Variants in DDC observed in about 807,000 individuals in gnomAD.
The protein encoded by DDC is aromatic-L-amino-acid decarboxylase.
In DDC, 43 loss-of-function variants were observed where a neutral mutation model predicts 60.0. That is an observed-to-expected ratio of 0.72 (90% CI 0.56 to 0.92). The LOEUF (loss-of-function observed/expected upper bound fraction) is 0.92. DDC is among the 40% of genes least tolerant of loss of function. The probability of loss-of-function intolerance (pLI) is 0.00; values close to 1 mark genes in which losing one functional copy is unlikely to be tolerated. For synonymous variants in DDC, 232 were observed against 234.6 expected, an observed-to-expected ratio of 0.99 and a Z score of 0.10; for missense variants, 573 against 620.2, an observed-to-expected ratio of 0.92 and a Z score of 0.81.
chr7:50,552,335 G>T (rs1227143995), intron 1 of DDC, among the ~76,000 whole-genome samples: 1 of 152,142 alleles, frequency 6.6e-6, no homozygotes, highest in Non-Finnish European at 1.5e-5. Flanking sequence ...GACATAAACT[G>T]CCCAGTGTTC....
At chr7:50,554,066 G>T (rs1190430104) in intron 1 of DDC, among the ~76,000 whole-genome samples, 3 of 152,172 alleles carry the variant, frequency 2.0e-5, no homozygotes, top group Non-Finnish European at 2.9e-5. Flanking sequence ...CCGCTCACAA[G>T]TGGCCTCCAG....
intron 8 of DDC, among the ~76,000 whole-genome samples, chr7:50,498,033 G>A (rs750062526): frequency 2.6e-5 from 4 of 152,150 alleles, no homozygotes; most frequent in East Asian, 3.8e-4. Context: ...TTTCTAAGAC[G>A]TAGTAGAAAA....
At chr7:50,537,112 G>A (rs2044442266) in intron 4 of DDC, among the ~76,000 whole-genome samples, 2 of 146,826 alleles carry the variant, frequency 1.4e-5, no homozygotes, top group African/African-American at 5.0e-5. Flanking sequence ...CAGTGGAATA[G>A]AAATTCCATC....
intron 13 of DDC, among the ~76,000 whole-genome samples, chr7:50,463,698 T>A (rs1173211663): frequency 1.3e-5 from 2 of 152,240 alleles, no homozygotes; most frequent in East Asian, 3.8e-4. Flanking sequence ...TAAGTTTTTT[T>A]AAGGAAAATA....
intron 9 of DDC, among the ~76,000 whole-genome samples, chr7:50,492,201 C>T (rs533470185): frequency 2.0e-5 from 3 of 152,318 alleles, no homozygotes; most frequent in Middle Eastern, 3.4e-3. Context: ...TTGTTTAAGC[C>T]GCTTGTCCAT....
chr7:50,552,808 TCTAC>T (rs1480444890), intron 1 of DDC, among the ~76,000 whole-genome samples: 1 of 152,204 alleles, frequency 6.6e-6, no homozygotes, highest in African/African-American at 2.4e-5. Flanking sequence ...GACTCTACTC[TCTAC>T]CTTTGAGACA....
intron 10 of DDC, among the ~76,000 whole-genome samples, chr7:50,478,046 A>AC (rs1189214060): frequency 6.6e-6 from 1 of 151,250 alleles, no homozygotes; most frequent in East Asian, 2.0e-4. Flanking sequence ...TACCAAAAAA[A>AC]AAAAAAAATA....
intron 3 of DDC, among the ~76,000 whole-genome samples, chr7:50,538,227 C>T (rs1257468975): frequency 6.6e-6 from 1 of 152,092 alleles, no homozygotes; most frequent in African/African-American, 2.4e-5. Flanking sequence ...TGCGGGCTTG[C>T]TAGGATATTC....
intron 6 of DDC, among the ~76,000 whole-genome samples, chr7:50,506,037 G>T (rs992949735): frequency 2.0e-5 from 3 of 152,250 alleles, no homozygotes; most frequent in Non-Finnish European, 4.4e-5. Context: ...AGCGGCAAGG[G>T]CCTGTGTTGT....
chr7:50,561,377 G>C (rs1210374484), intron 1 of DDC, among the ~76,000 whole-genome samples: 1 of 152,140 alleles, frequency 6.6e-6, no homozygotes. Context: ...GAACGACCAG[G>C]CTCCACTCCA....
chr7:50,540,359 A>C (rs1269261143), intron 2 of DDC, among the ~76,000 whole-genome samples: 1 of 152,090 alleles, frequency 6.6e-6, no homozygotes, highest in African/African-American at 2.4e-5. Flanking sequence ...AAAAAACCAC[A>C]CTGTGCTTCA....
At chr7:50,498,692 C>T (rs3807563) in intron 8 of DDC, among the ~76,000 whole-genome samples, 44,888 of 152,074 alleles carry the variant, frequency 0.3, 8,143 homozygotes, top group Non-Finnish European at 0.41. Context: ...CAGAAGACTG[C>T]CTAGGGGCAT....
At chr7:50,548,285 A>G (rs2044871932) in intron 1 of DDC, among the ~76,000 whole-genome samples, 1 of 152,190 alleles carries the variant, frequency 6.6e-6, no homozygotes, top group Admixed American at 6.5e-5. Context: ...CTCTCACTTT[A>G]AATCAAAAGC....
intron 1 of DDC, among the ~76,000 whole-genome samples, chr7:50,563,678 C>T (rs553859156): frequency 1.3e-5 from 2 of 152,176 alleles, no homozygotes; most frequent in Admixed American, 6.5e-5. Context: ...CTCGGCTCAC[C>T]GCAACCTCCG....
At chr7:50,462,473 G>A (rs1167052734) in intron 14 of DDC, among the ~76,000 whole-genome samples, 1 of 152,174 alleles carries the variant, frequency 6.6e-6, no homozygotes, top group African/African-American at 2.4e-5. Flanking sequence ...ACAACTGCAA[G>A]AAGCCCGGTA....
chr7:50,556,453 C>T (rs558203844), intron 1 of DDC, among the ~76,000 whole-genome samples: 4 of 152,264 alleles, frequency 2.6e-5, no homozygotes, highest in African/African-American at 9.6e-5. Flanking sequence ...TTCCTATTTC[C>T]TAATACATTG....
chr7:50,463,218 GCT>G lies in DDC; in HGVS notation c.*11_*12del. On this transcript the variant is annotated 3_prime_UTR_variant, in exon 14 of 15. Transcript: ENST00000444124. The stretch of plus-strand genomic sequence containing the variant: ...ATGAGCCCAGGGCAGCCTACCTGCA[GCT>G]GGCTTCACTCCTACTCCCTCTCTGC... 1 of 1,602,004 alleles carries G rather than the reference GCT, an allele frequency of 6.2e-7. No individual in the cohort carries two copies. Among genetic ancestry groups the G allele is most frequent in the Admixed American group, 1.7e-5 (1 of 58,244 alleles).
intron 10 of DDC, among the ~76,000 whole-genome samples, chr7:50,478,039 CAA>C (rs58996327): frequency 0.48 from 70,084 of 145,104 alleles, 16,435 homozygotes; most frequent in Admixed American, 0.55. Context: ...CCGTCTCTAC[CAA>C]AAAAAAAAAA....
intron 13 of DDC, 93 bp from the exon 14 acceptor site, chr7:50,463,524 C>A: frequency 9.3e-7 from 1 of 1,080,500 alleles, no homozygotes. Context: ...GGCAACCCTA[C>A]CGTACATCAG....
Sources: allele counts gnomAD v4.1 joint callset (sites outside exome capture counted in the v4.1 genomes callset), GRCh38; gene constraint gnomAD v4.1.1; transcripts MANE v1.5; gene names NCBI Gene and HGNC (gene_info 2026-07-23, HGNC 2026-07-21).